OPCML: variants seen among roughly 807,000 people sequenced by gnomAD.
OPCML encodes the protein opioid-binding protein/cell adhesion molecule.
Under a neutral mutation model 37.8 loss-of-function variants are expected in OPCML, and 13 were observed. The observed-to-expected ratio is 0.34, with a 90% confidence interval of 0.22 to 0.55. The LOEUF (loss-of-function observed/expected upper bound fraction) is 0.55. Ranked by LOEUF, OPCML falls within the 20% of genes least tolerant of loss-of-function variation. The probability of loss-of-function intolerance (pLI) is 0.91; values close to 1 mark genes in which losing one functional copy is unlikely to be tolerated. For missense variants in OPCML, 341 were observed against 435.6 expected, an observed-to-expected ratio of 0.78 and a Z score of 1.93; for synonymous variants, 176 against 168.8, an observed-to-expected ratio of 1.04 and a Z score of -0.33.
At chr11:132,744,583 C>T (rs983882051) in intron 2 of OPCML, among the ~76,000 whole-genome samples, 1 of 152,094 alleles carries the variant, frequency 6.6e-6, no homozygotes, top group Non-Finnish European at 1.5e-5. Context: ...GACCCTTTTG[C>T]CTGTTATTGA....
intron 1 of OPCML, chr11:133,361,199 C>T (rs1210348285): frequency 6.6e-6 from 1 of 152,356 alleles, no homozygotes; most frequent in African/African-American, 2.4e-5. Flanking sequence ...TCATCTCAGC[C>T]TGAAAGTGCG....
intron 1 of OPCML, among the ~76,000 whole-genome samples, chr11:133,171,213 G>A (rs995031207): frequency 1.3e-5 from 2 of 152,226 alleles, no homozygotes; most frequent in East Asian, 3.9e-4. Context: ...GGCTGCAAAA[G>A]CACCTCAAGA....
At chr11:132,767,537 G>A (rs965406332) in intron 2 of OPCML, among the ~76,000 whole-genome samples, 1 of 152,102 alleles carries the variant, frequency 6.6e-6, no homozygotes, top group African/African-American at 2.4e-5. Flanking sequence ...GCAGTCATGG[G>A]GACTGACTTC....
chr11:133,309,715 G>A (rs1417630723), intron 1 of OPCML, among the ~76,000 whole-genome samples: 1 of 152,206 alleles, frequency 6.6e-6, no homozygotes, highest in Non-Finnish European at 1.5e-5. Flanking sequence ...AAAAGTGTAT[G>A]GGACCTCTGA....
intron 1 of OPCML, among the ~76,000 whole-genome samples, chr11:132,983,517 G>T (rs775314277): frequency 6.6e-6 from 1 of 152,066 alleles, no homozygotes; most frequent in Admixed American, 6.5e-5. Context: ...TGTTGTTCTC[G>T]CTGCTCATGC....
At chr11:133,018,311 C>T (rs1204606024) in intron 1 of OPCML, among the ~76,000 whole-genome samples, 4 of 152,144 alleles carry the variant, frequency 2.6e-5, no homozygotes, top group African/African-American at 9.7e-5. Context: ...ATAGAAAGTG[C>T]AGTATATATG....
At chr11:132,535,973 C>T (rs954236729) in intron 3 of OPCML, among the ~76,000 whole-genome samples, 9 of 152,062 alleles carry the variant, frequency 5.9e-5, no homozygotes, top group African/African-American at 2.2e-4. Flanking sequence ...TTTTTAATTG[C>T]AGATTATTAG....
intron 1 of OPCML, among the ~76,000 whole-genome samples, chr11:133,524,836 G>A (rs1182784150): frequency 1.3e-5 from 2 of 152,254 alleles, no homozygotes; most frequent in Non-Finnish European, 2.9e-5. Flanking sequence ...TCATTCTGCA[G>A]GGGACAAGCT....
chr11:132,601,659 C>T (rs141082859), intron 3 of OPCML, among the ~76,000 whole-genome samples: 201 of 152,270 alleles, frequency 1.3e-3, no homozygotes, highest in African/African-American at 4.6e-3. Flanking sequence ...AGTTCAGATC[C>T]ATGAGTCTCT....
At chr11:133,111,591 T>C (rs1185081919) in intron 1 of OPCML, among the ~76,000 whole-genome samples, 2 of 152,246 alleles carry the variant, frequency 1.3e-5, no homozygotes, top group East Asian at 3.8e-4. Flanking sequence ...AGTGTTTCAC[T>C]TGGATGATTC....
At chr11:132,882,881 TC>T (rs1321437197) in intron 2 of OPCML, among the ~76,000 whole-genome samples, 1 of 152,084 alleles carries the variant, frequency 6.6e-6, no homozygotes. Context: ...ACTCTGAAGA[TC>T]AAGAGGTGGG....
chr11:133,276,891 C>A (rs999078011), intron 1 of OPCML, among the ~76,000 whole-genome samples: 2 of 152,098 alleles, frequency 1.3e-5, no homozygotes, highest in Non-Finnish European at 2.9e-5. Flanking sequence ...TTTCAATGGC[C>A]TCACTTATTT....
At chr11:133,025,937 G>A in intron 1 of OPCML, 1 of 304,480 alleles carries the variant, frequency 3.3e-6, no homozygotes, top group African/African-American at 2.3e-5. Flanking sequence ...GTTTCACCAT[G>A]TTGGCCAGCG....
intron 3 of OPCML, among the ~76,000 whole-genome samples, chr11:132,536,003 G>A (rs1478635888): frequency 6.6e-6 from 1 of 152,134 alleles, no homozygotes; most frequent in Non-Finnish European, 1.5e-5. Context: ...AGAACAGGAA[G>A]CAATAGTGTC....
intron 2 of OPCML, among the ~76,000 whole-genome samples, chr11:132,693,737 G>A (rs1016094947): frequency 1.3e-5 from 2 of 152,062 alleles, no homozygotes; most frequent in Non-Finnish European, 1.5e-5. Context: ...AGTGGTATAG[G>A]CCACCACCTT....
intron 1 of OPCML, among the ~76,000 whole-genome samples, chr11:133,289,549 C>T (rs1301332961): frequency 6.8e-6 from 1 of 147,494 alleles, no homozygotes; most frequent in Admixed American, 6.7e-5. Flanking sequence ...GAGCCGAGAT[C>T]CCGCCACTGC....
At chr11:133,490,619 T>A (rs1947634629) in intron 1 of OPCML, among the ~76,000 whole-genome samples, 1 of 152,158 alleles carries the variant, frequency 6.6e-6, no homozygotes, top group Non-Finnish European at 1.5e-5. Context: ...GAGATATAAG[T>A]GAGACCATGC....
In OPCML at chr11:133,379,391, G is replaced by A. The variant is rs542788516; in HGVS notation, c.61+152873C>T. Among the ~76,000 whole-genome samples the A allele has an allele frequency of 8.0e-4, 122 of 152,264 alleles. 2 individuals carry two copies. The South Asian group carries it at 0.025, about 31-fold the overall frequency. On this transcript the variant is annotated intron_variant, in intron 1 of 7. Transcript: ENST00000524381. ...GAGCTCTTTAGAGAGCTCCCTCTGC[G>A]GCCACACCCATTTCTTCAGCACTTC...
chr11:133,338,631 A>T (rs938601176), intron 1 of OPCML, among the ~76,000 whole-genome samples: 1 of 152,226 alleles, frequency 6.6e-6, no homozygotes, highest in Middle Eastern at 3.2e-3. Flanking sequence ...TTAGGGCTGA[A>T]GTCTCTAGGG....
Sources: gnomAD v4.1 joint callset for allele counts (sites outside exome capture counted in the v4.1 genomes callset) on GRCh38, gnomAD v4.1.1 for gene constraint, MANE v1.5 for transcripts, NCBI Gene and HGNC (gene_info 2026-07-23, HGNC 2026-07-21) for gene names.